Variants in CDC42BPA observed in about 807,000 individuals in gnomAD.
CDC42BPA encodes CDC42 binding protein kinase alpha, also known as serine/threonine-protein kinase MRCK alpha.
In CDC42BPA, 80 loss-of-function variants were observed where a neutral mutation model predicts 223.5. The ratio of observed to expected loss-of-function variants is 0.36; its 90% CI spans 0.30 to 0.43. CDC42BPA has a LOEUF of 0.43. CDC42BPA is among the 20% of genes least tolerant of loss of function. The pLI is 1.00. For synonymous variants in CDC42BPA, 694 were observed against 718.6 expected (o/e 0.97, Z 0.55); for missense variants, 1,743 against 2,099.9 (o/e 0.83, Z 3.32).
chr1:227,184,390 G>A (rs1668423969), intron 5 of CDC42BPA, among the ~76,000 whole-genome samples: 1 of 145,532 alleles, frequency 6.9e-6, no homozygotes, highest in Non-Finnish European at 1.5e-5. Flanking sequence ...AGTTATTTGG[G>A]GTTTTTTTTT....
At chr1:227,133,394 T>C (rs554842468) in intron 10 of CDC42BPA, among the ~76,000 whole-genome samples, 3 of 139,148 alleles carry the variant, frequency 2.2e-5, no homozygotes, top group East Asian at 2.2e-4. Flanking sequence ...TGAGGGGCGC[T>C]TCTGCCCGGC....
At chr1:227,178,816 A>G (rs1667412155) in intron 5 of CDC42BPA, among the ~76,000 whole-genome samples, 1 of 152,212 alleles carries the variant, frequency 6.6e-6, no homozygotes, top group Non-Finnish European at 1.5e-5. Context: ...TGTTAGCAGC[A>G]TGAAAATGGA....
intron 6 of CDC42BPA, among the ~76,000 whole-genome samples, chr1:227,156,731 T>C (rs966498094): frequency 6.6e-6 from 1 of 152,118 alleles, no homozygotes; most frequent in Non-Finnish European, 1.5e-5. Context: ...TCAAAAGCAA[T>C]TTAGAGAGGC....
At chr1:227,252,335 G>C (rs1682164663) in intron 2 of CDC42BPA, among the ~76,000 whole-genome samples, 1 of 151,906 alleles carries the variant, frequency 6.6e-6, no homozygotes, top group Non-Finnish European at 1.5e-5. Context: ...GATAAACCTA[G>C]CAAAACTAAT....
intron 1 of CDC42BPA, among the ~76,000 whole-genome samples, chr1:227,283,598 G>C (rs1472893713): frequency 6.6e-6 from 1 of 151,958 alleles, no homozygotes; most frequent in Admixed American, 6.6e-5. Flanking sequence ...TAAAAATGGA[G>C]GAAAAAAACT....
intron 10 of CDC42BPA, among the ~76,000 whole-genome samples, chr1:227,133,329 GGGA>G (rs1226331668): frequency 3.3e-5 from 5 of 151,898 alleles, no homozygotes; most frequent in Non-Finnish European, 5.9e-5. Context: ...CGCCCAGTCC[GGGA>G]GGAGGTGGGG....
chr1:227,250,193 T>C (rs189960681), intron 2 of CDC42BPA, among the ~76,000 whole-genome samples: 1 of 151,906 alleles, frequency 6.6e-6, no homozygotes, highest in South Asian at 2.1e-4. Flanking sequence ...TTAAAAAAAA[T>C]AATAATAATA....
intron 2 of CDC42BPA, among the ~76,000 whole-genome samples, chr1:227,246,223 T>C (rs1680919548): frequency 6.6e-6 from 1 of 152,154 alleles, no homozygotes; most frequent in African/African-American, 2.4e-5. Flanking sequence ...CTCCTCTGCA[T>C]GTGGAAAGGG....
intron 21 of CDC42BPA, among the ~76,000 whole-genome samples, chr1:227,053,773 T>C (rs571526798): frequency 2.6e-5 from 4 of 152,304 alleles, no homozygotes; most frequent in African/African-American, 9.6e-5. Flanking sequence ...AAGACACATT[T>C]TGGCCCAGTT....
intron 17 of CDC42BPA, among the ~76,000 whole-genome samples, chr1:227,075,724 TTTTTTAGAATAC>T (rs1679334774): frequency 6.6e-6 from 1 of 152,148 alleles, no homozygotes; most frequent in Non-Finnish European, 1.5e-5. Flanking sequence ...GAAGATTATC[TTTTTTAGAATAC>T]AAAAAAGATA....
intron 10 of CDC42BPA, among the ~76,000 whole-genome samples, chr1:227,133,046 C>T (rs1019616681): frequency 7.4e-5 from 11 of 148,330 alleles, no homozygotes; most frequent in African/African-American, 1.5e-4. Flanking sequence ...AGGTGGGGGT[C>T]AGCCCCCACC....
chr1:227,007,408 A>T (rs551522677), intron 34 of CDC42BPA, among the ~76,000 whole-genome samples: 131 of 152,322 alleles, frequency 8.6e-4, no homozygotes, highest in African/African-American at 3.0e-3. Context: ...TCTGATTATA[A>T]AGGTAATACT....
chr1:227,075,790 C>T (rs7526822), intron 17 of CDC42BPA, among the ~76,000 whole-genome samples: 21,434 of 152,046 alleles, frequency 0.14, 1,906 homozygotes, highest in South Asian at 0.34. Context: ...CCTTTAAGTG[C>T]CCAGGCTAAC....
At chr1:227,060,992 A>G (rs971149284) in intron 21 of CDC42BPA, among the ~76,000 whole-genome samples, 1 of 152,058 alleles carries the variant, frequency 6.6e-6, no homozygotes, top group Non-Finnish European at 1.5e-5. Context: ...AAGTGCTGGG[A>G]TTACAGGTGT....
At chr1:227,242,979 T>C (rs1395532393) in intron 2 of CDC42BPA, among the ~76,000 whole-genome samples, 1 of 152,240 alleles carries the variant, frequency 6.6e-6, no homozygotes, top group African/African-American at 2.4e-5. Flanking sequence ...CACCATGGAA[T>C]GCTATGCAGC....
chr1:227,004,968 C>T (rs1351131903), intron 35 of CDC42BPA, 26 bp downstream of exon 35: 5 of 1,510,550 alleles, frequency 3.3e-6, no homozygotes, highest in Non-Finnish European at 4.6e-6. Context: ...GTCTCAGAGG[C>T]ACCTTCCTGT....
intron 14 of CDC42BPA, among the ~76,000 whole-genome samples, chr1:227,105,184 G>A (rs1315152695): frequency 6.6e-6 from 1 of 151,678 alleles, no homozygotes; most frequent in Non-Finnish European, 1.5e-5. Context: ...CAATTCAATG[G>A]CATTAATTAC....
At chr1:227,035,308 GTTT>G (rs978755226) in intron 25 of CDC42BPA, among the ~76,000 whole-genome samples, 160 bp downstream of exon 25, 1 of 151,934 alleles carries the variant, frequency 6.6e-6, no homozygotes, top group Non-Finnish European at 1.5e-5. Context: ...TAAAAGCTAG[GTTT>G]TTGTTTGCAA....
chr1:227,252,351 C>T (rs1682170154), intron 2 of CDC42BPA, among the ~76,000 whole-genome samples: 1 of 151,982 alleles, frequency 6.6e-6, no homozygotes, highest in Admixed American at 6.6e-5. Flanking sequence ...CTAATACATA[C>T]ACAGAACAAG....
Sources: allele counts gnomAD v4.1 joint callset (sites outside exome capture counted in the v4.1 genomes callset), GRCh38; gene constraint gnomAD v4.1.1; transcripts MANE v1.5; gene names NCBI Gene and HGNC (gene_info 2026-07-23, HGNC 2026-07-21).